The following ELAVL4 variants were observed in gnomAD, a reference collection of about 807,000 sequenced individuals.
ELAVL4 encodes ELAV like RNA binding protein 4.
ELAVL4 carries 1 observed loss-of-function variant against 35.6 expected under a neutral mutation model. That is an observed-to-expected ratio of 0.03 (90% confidence interval 0.01 to 0.13). ELAVL4 has a LOEUF of 0.13. ELAVL4 is among the 10% of genes least tolerant of loss of function. The probability of loss-of-function intolerance (pLI) is 1.00; values close to 1 mark genes in which losing one functional copy is unlikely to be tolerated. For missense variants in ELAVL4, 267 were observed against 464.9 expected (o/e 0.57, Z 3.91); for synonymous variants, 156 against 171.0 (o/e 0.91, Z 0.69).
intron 2 of ELAVL4, among the ~76,000 whole-genome samples, chr1:50,145,789 G>A (rs1557777994): frequency 1.3e-5 from 2 of 152,186 alleles, no homozygotes; most frequent in African/African-American, 4.8e-5. Flanking sequence ...TGTTCGTTTT[G>A]AAGATACTCT....
At chr1:50,165,660 A>G (rs985262622) in intron 2 of ELAVL4, among the ~76,000 whole-genome samples, 14 of 148,524 alleles carry the variant, frequency 9.4e-5, no homozygotes, top group African/African-American at 2.5e-4. Context: ...ATATGTGTGT[A>G]TATATGTATA....
intron 3 of ELAVL4, among the ~76,000 whole-genome samples, chr1:50,178,861 A>G (rs1398301154): frequency 1.3e-5 from 2 of 152,150 alleles, no homozygotes; most frequent in Non-Finnish European, 2.9e-5. Context: ...CCCTTGACAG[A>G]CACCCTGACC....
chr1:50,170,736 C>G (rs1176870877), intron 2 of ELAVL4, among the ~76,000 whole-genome samples: 1 of 152,134 alleles, frequency 6.6e-6, no homozygotes, highest in Admixed American at 6.5e-5. Context: ...CCTTGAGTAG[C>G]AAGGTTTTAA....
intron 1 of ELAVL4, chr1:50,144,742 G>C: frequency 1.3e-6 from 1 of 761,878 alleles, no homozygotes; most frequent in Non-Finnish European, 2.3e-6. Context: ...TCTAGTCTGT[G>C]TTCAAAATCT....
intron 1 of ELAVL4, among the ~76,000 whole-genome samples, chr1:50,128,875 A>C (rs992545996): frequency 6.6e-6 from 1 of 152,134 alleles, no homozygotes; most frequent in Admixed American, 6.6e-5. Context: ...AGAAGATGTC[A>C]GTTCAGATCC....
chr1:50,161,024 G>A (rs781142458), intron 2 of ELAVL4, among the ~76,000 whole-genome samples: 7 of 152,274 alleles, frequency 4.6e-5, no homozygotes, highest in Non-Finnish European at 8.8e-5. Context: ...TATGTAATTA[G>A]TATTAACCTG....
At chr1:50,180,094 C>A (rs1680773599) in intron 3 of ELAVL4, 1 of 151,964 alleles carries the variant, frequency 6.6e-6, no homozygotes, top group Non-Finnish European at 1.5e-5. Flanking sequence ...TAATAGTTGA[C>A]CTTTTGACAG....
intron 1 of ELAVL4, among the ~76,000 whole-genome samples, chr1:50,097,514 G>A (rs545339001): frequency 1.3e-5 from 2 of 152,330 alleles, no homozygotes; most frequent in East Asian, 3.9e-4. Flanking sequence ...CTGGTCCAGA[G>A]AGGAGAAGTG....
upstream of ELAVL4, among the ~76,000 whole-genome samples, chr1:50,103,352 A>G (rs10888680): frequency 0.095 from 14,424 of 152,206 alleles, 945 homozygotes; most frequent in African/African-American, 0.18. Flanking sequence ...ACTCCTTCAC[A>G]TCAGTCTGGT....
chr1:50,116,705 C>T (rs949298316), intron 1 of ELAVL4, among the ~76,000 whole-genome samples: 1 of 151,896 alleles, frequency 6.6e-6, no homozygotes, highest in Admixed American at 6.6e-5. Context: ...TGAGAACTTG[C>T]CATCTTTACT....
intron 1 of ELAVL4, among the ~76,000 whole-genome samples, chr1:50,133,655 AAG>A (rs1169505508): frequency 2.4e-5 from 3 of 127,016 alleles, no homozygotes; most frequent in African/African-American, 5.7e-5. Flanking sequence ...AAGAAAGAGA[AAG>A]AAAGAAAGAA....
chr1:50,192,654 T>C (rs1194000830), intron 3 of ELAVL4, among the ~76,000 whole-genome samples: 1 of 152,136 alleles, frequency 6.6e-6, no homozygotes, highest in Admixed American at 6.5e-5. Flanking sequence ...CATATAGGTC[T>C]CTTCCTGTCC....
intron 1 of ELAVL4, among the ~76,000 whole-genome samples, chr1:50,060,964 C>A (rs1295890977): frequency 6.6e-6 from 1 of 152,176 alleles, no homozygotes; most frequent in African/African-American, 2.4e-5. Context: ...TGTTTAATAT[C>A]CAGCACAGAG....
At chr1:50,182,995 T>A (rs1292474806) in intron 3 of ELAVL4, among the ~76,000 whole-genome samples, 1 of 151,834 alleles carries the variant, frequency 6.6e-6, no homozygotes, top group Non-Finnish European at 1.5e-5. Flanking sequence ...GTAGCTGGGA[T>A]TACAGGCACC....
chr1:50,093,930 T>G (rs1057469914), intron 1 of ELAVL4, among the ~76,000 whole-genome samples: 1 of 152,246 alleles, frequency 6.6e-6, no homozygotes, highest in Non-Finnish European at 1.5e-5. Context: ...TTAGTTTTCC[T>G]TATATGTCAA....
chr1:50,052,082 A>T (rs978424229), intron 1 of ELAVL4, among the ~76,000 whole-genome samples: 24 of 152,320 alleles, frequency 1.6e-4, no homozygotes, highest in African/African-American at 5.8e-4. Flanking sequence ...ATGAAAATAC[A>T]GTCACATCCT....
At chr1:50,157,652 A>C (rs114429849) in intron 2 of ELAVL4, among the ~76,000 whole-genome samples, 3 of 152,218 alleles carry the variant, frequency 2.0e-5, no homozygotes, top group Non-Finnish European at 2.9e-5. Flanking sequence ...TGCATTGGGA[A>C]AATTGGTTAG....
intron 1 of ELAVL4, among the ~76,000 whole-genome samples, chr1:50,057,482 A>C (rs1663739768): frequency 6.6e-6 from 1 of 152,146 alleles, no homozygotes; most frequent in South Asian, 2.1e-4. Flanking sequence ...TCATTCATTG[A>C]CTCACTCAGA....
chr1:50,131,277 A>G (rs1174844849), intron 1 of ELAVL4, among the ~76,000 whole-genome samples: 4 of 152,124 alleles, frequency 2.6e-5, no homozygotes, highest in South Asian at 2.1e-4. Flanking sequence ...TTGAAATTTT[A>G]TCATGTCTTT....
Sources: gnomAD v4.1 joint callset for allele counts (sites outside exome capture counted in the v4.1 genomes callset) on GRCh38, gnomAD v4.1.1 for gene constraint, MANE v1.5 for transcripts, NCBI Gene and HGNC (gene_info 2026-07-23, HGNC 2026-07-21) for gene names.